The following PPP3CA variants were observed in gnomAD, a reference collection of about 807,000 sequenced individuals.
PPP3CA encodes protein phosphatase 3 catalytic subunit alpha, also known as CAM-PRP catalytic subunit.
In PPP3CA, 14 loss-of-function variants were observed where a neutral mutation model predicts 66.5. The ratio of observed to expected loss-of-function variants is 0.21; its 90% CI spans 0.14 to 0.33. The LOEUF is 0.33. Among genes scored for constraint, PPP3CA ranks in the 10% least tolerant of loss-of-function variants. The pLI is 1.00. For missense variants in PPP3CA, 317 were observed against 639.5 expected (o/e 0.50, Z 5.44); for synonymous variants, 232 against 226.2 (o/e 1.03, Z -0.23).
At chr4:101,332,646 A>G (rs1325714502) in intron 1 of PPP3CA, among the ~76,000 whole-genome samples, 1 of 152,180 alleles carries the variant, frequency 6.6e-6, no homozygotes, top group Non-Finnish European at 1.5e-5. Context: ...AAATTACAAT[A>G]CCTAACATAT....
intron 6 of PPP3CA, among the ~76,000 whole-genome samples, chr4:101,092,925 ATG>A (rs1265191954): frequency 2.6e-5 from 4 of 152,148 alleles, no homozygotes; most frequent in African/African-American, 9.7e-5. Context: ...ATGCATATAC[ATG>A]TGTCTTTATA....
rs188432317 is a variant in PPP3CA, at chr4:101,121,286, A to G, written c.260-12208T>C. On this transcript the variant is annotated intron_variant, in intron 2 of 13. Coordinates refer to ENST00000394854, the MANE Select transcript of PPP3CA (RefSeq NM_000944.5). ...GTTATTAAACTGCTTCTTATTGAGA[A>G]AAGTTTGCCTTATAAAACCACACAA... Among the ~76,000 whole-genome samples the G allele has an allele frequency of 1.5e-3, 223 of 152,226 alleles. 1 individual carries two copies. The highest frequency in any genetic ancestry group is 3.4e-3 in the Middle Eastern group (1 of 292).
chr4:101,336,452 GT>G (rs1476134709), intron 1 of PPP3CA, among the ~76,000 whole-genome samples: 1 of 151,774 alleles, frequency 6.6e-6, no homozygotes, highest in African/African-American at 2.4e-5. Flanking sequence ...CATGCCTGTA[GT>G]CCCAGTTACT....
chr4:101,111,385 T>C (rs1469715596), intron 2 of PPP3CA, among the ~76,000 whole-genome samples: 1 of 152,166 alleles, frequency 6.6e-6, no homozygotes, highest in Non-Finnish European at 1.5e-5. Context: ...CATGTCTTGC[T>C]ACTGGCTCTC....
intron 2 of PPP3CA, among the ~76,000 whole-genome samples, chr4:101,159,104 C>T (rs1038090396): frequency 4.6e-5 from 7 of 152,112 alleles, no homozygotes; most frequent in African/African-American, 1.2e-4. Flanking sequence ...TGAGGCTCAG[C>T]GAGTTTTAGG....
chr4:101,166,679 C>T (rs942457470), intron 2 of PPP3CA, among the ~76,000 whole-genome samples: 3 of 152,144 alleles, frequency 2.0e-5, no homozygotes, highest in African/African-American at 7.2e-5. Context: ...TTATTACACT[C>T]TATGAAGCCA....
intron 2 of PPP3CA, among the ~76,000 whole-genome samples, chr4:101,129,207 T>C (rs192537414): frequency 1.6e-4 from 24 of 152,240 alleles, no homozygotes; most frequent in Admixed American, 3.3e-4. Context: ...ATTCCTCCTC[T>C]CTGGGCAGGG....
chr4:101,160,100 AAT>A (rs1269906890), intron 2 of PPP3CA, among the ~76,000 whole-genome samples: 3 of 151,632 alleles, frequency 2.0e-5, no homozygotes, highest in African/African-American at 7.3e-5. Context: ...TAGAAAGTAA[AAT>A]ATAAAAGTAT....
chr4:101,147,562 C>T (rs1179816419), intron 2 of PPP3CA, among the ~76,000 whole-genome samples: 1 of 152,158 alleles, frequency 6.6e-6, no homozygotes, highest in Non-Finnish European at 1.5e-5. Flanking sequence ...AGGTAATTCA[C>T]AGATATTATT....
intron 3 of PPP3CA, among the ~76,000 whole-genome samples, chr4:101,102,279 A>AGGGAGGGAGGAC (rs1730479818): frequency 6.9e-6 from 1 of 145,188 alleles, no homozygotes; most frequent in African/African-American, 2.5e-5. Context: ...GGAGGGAGGA[A>AGGGAGGGAGGAC]GGGAGGGAGA....
Position 101,048,914 on chromosome 4 carries a change from A to T in PPP3CA, c.1157-8348T>A, listed in dbSNP as rs559912613. On this transcript the variant is annotated intron_variant, in intron 10 of 13. Coordinates refer to ENST00000394854, the MANE Select transcript of PPP3CA (RefSeq NM_000944.5). Reference sequence around the variant, plus strand: ...GAGCCTTTAAAATGTAATTTTTTTTAAAAAAGTTTCTCCTGTGTAATGGAT... The same window carrying T: ...GAGCCTTTAAAATGTAATTTTTTTTTAAAAAGTTTCTCCTGTGTAATGGAT... 1.4e-4 allele frequency among the ~76,000 whole-genome samples: 21 copies of T among 152,164 alleles called. 1 individual carries two copies. The South Asian group carries it at 2.1e-3, about 15-fold the overall frequency.
chr4:101,048,509 CAA>C (rs59988569), intron 10 of PPP3CA, among the ~76,000 whole-genome samples: 548 of 66,136 alleles, frequency 8.3e-3, no homozygotes, highest in South Asian at 0.027. Flanking sequence ...TTTCTCTCAC[CAA>C]AAAAAAAAAA....
At position 101,106,458 on chromosome 4, in the gene PPP3CA, A is replaced by AGAAAGAAAGAAAGAAGAGAAG. The variant is rs1560605216; in HGVS notation, c.384+2495_384+2496insCTTCTCTTCTTTCTTTCTTTC. 9.2e-4 allele frequency among the ~76,000 whole-genome samples: 30 copies of AGAAAGAAAGAAAGAAGAGAAG among 32,712 alleles called. 2 individuals carry two copies. The highest frequency in any genetic ancestry group is 4.2e-3 in the South Asian group (3 of 722). The allele number at this position is 32,712 out of a possible 152,430, so 21.5% of individuals were successfully genotyped here. A position where few individuals can be genotyped will look rare whatever the true frequency, so the allele number is the denominator to read the frequency against. On this transcript the variant is annotated intron_variant, in intron 3 of 13. Transcript: ENST00000394854. ...GAAAGAAAGAAAGAAAGAAAGAGAA[A>AGAAAGAAAGAAAGAAGAGAAG]AGAAAAGAAAAGAAAAGAAAAGAAA...
intron 1 of PPP3CA, among the ~76,000 whole-genome samples, chr4:101,260,387 T>C (rs185254072): frequency 1.3e-5 from 2 of 152,230 alleles, no homozygotes; most frequent in East Asian, 1.9e-4. Context: ...AAAACAAAAA[T>C]ATTGGAAGTC....
chr4:101,099,556 A>T, intron 4 of PPP3CA, 55 bp downstream of exon 4: 2 of 1,021,066 alleles, frequency 2.0e-6, no homozygotes, highest in Non-Finnish European at 2.9e-6. Flanking sequence ...ATTATTGATT[A>T]AAATTACTTT....
chr4:101,116,967 TA>T (rs1274086038), intron 2 of PPP3CA, among the ~76,000 whole-genome samples: 6 of 151,518 alleles, frequency 4.0e-5, no homozygotes, highest in African/African-American at 1.5e-4. Context: ...TTTTTGGTAA[TA>T]AAAAATTATA....
chr4:101,120,693 T>C (rs561113988), intron 2 of PPP3CA, among the ~76,000 whole-genome samples: 3 of 152,086 alleles, frequency 2.0e-5, no homozygotes, highest in African/African-American at 7.2e-5. Context: ...TCTGAGAACT[T>C]AGATTAGATT....
intron 1 of PPP3CA, among the ~76,000 whole-genome samples, chr4:101,344,554 C>A (rs1729918133): frequency 6.6e-6 from 1 of 152,146 alleles, no homozygotes. Context: ...TTTGAGTCTA[C>A]TATCCACATA....
At chr4:101,093,171 T>C (rs28802902) in intron 6 of PPP3CA, among the ~76,000 whole-genome samples, 11,999 of 152,266 alleles carry the variant, frequency 0.079, 600 homozygotes, top group Non-Finnish European at 0.11. Flanking sequence ...TGGTATCTTA[T>C]TGTGGTTTTG....
Sources: gnomAD v4.1 joint callset for allele counts (sites outside exome capture counted in the v4.1 genomes callset) on GRCh38, gnomAD v4.1.1 for gene constraint, MANE v1.5 for transcripts, NCBI Gene and HGNC (gene_info 2026-07-23, HGNC 2026-07-21) for gene names.